Variants in STAC observed in about 807,000 individuals in gnomAD.
The protein encoded by STAC is SH3 and cysteine rich domain.
A neutral mutation model predicts 48.8 loss-of-function variants in STAC; 43 were observed. The ratio of observed to expected loss-of-function variants is 0.88; its 90% CI spans 0.69 to 1.14. The LOEUF (loss-of-function observed/expected upper bound fraction) is 1.14. Ranked by LOEUF, STAC falls within the 50% of genes most tolerant of loss-of-function variation. The pLI, the probability that STAC is intolerant of heterozygous loss-of-function variation, is 0.00. For missense variants in STAC, 497 were observed against 504.0 expected, an observed-to-expected ratio of 0.99 and a Z score of 0.13; for synonymous variants, 193 against 179.5, an observed-to-expected ratio of 1.07 and a Z score of -0.60.
intron 1 of STAC, among the ~76,000 whole-genome samples, chr3:36,398,677 GAAA>G: frequency 7.0e-6 from 1 of 142,732 alleles, no homozygotes; most frequent in East Asian, 2.1e-4. Context: ...AGGAAGGAAA[GAAA>G]GAAAGAAAGA....
intron 1 of STAC, among the ~76,000 whole-genome samples, chr3:36,382,749 T>C (rs966976872): frequency 4.6e-5 from 7 of 152,196 alleles, no homozygotes; most frequent in Non-Finnish European, 1.0e-4. Context: ...TAGGATGGCA[T>C]GACACTGGAG....
At chr3:36,436,023 T>C (rs12374174) in intron 1 of STAC, among the ~76,000 whole-genome samples, 93,973 of 152,052 alleles carry the variant, frequency 0.62, 29,594 homozygotes, top group African/African-American at 0.76. Flanking sequence ...GTGTAGTGAT[T>C]TCATCTAGTC....
At chr3:36,494,822 C>G (rs760918228) in intron 6 of STAC, among the ~76,000 whole-genome samples, 1 of 152,212 alleles carries the variant, frequency 6.6e-6, no homozygotes, top group Non-Finnish European at 1.5e-5. Flanking sequence ...CATAGCAGGT[C>G]AGCAGCACAG....
intron 10 of STAC, among the ~76,000 whole-genome samples, chr3:36,533,882 A>C (rs967462635): frequency 6.6e-5 from 10 of 152,164 alleles, no homozygotes; most frequent in Non-Finnish European, 1.3e-4. Flanking sequence ...GTTCAGGGGT[A>C]CAACATGTGC....
chr3:36,454,862 A>G (rs548604547), intron 2 of STAC, among the ~76,000 whole-genome samples: 2 of 152,324 alleles, frequency 1.3e-5, no homozygotes, highest in African/African-American at 4.8e-5. Context: ...CAAAGGAAAG[A>G]GGCTGTCTCT....
intron 1 of STAC, among the ~76,000 whole-genome samples, chr3:36,396,590 A>C (rs1371320125): frequency 6.6e-6 from 1 of 152,166 alleles, no homozygotes; most frequent in Non-Finnish European, 1.5e-5. Context: ...CATACTAATA[A>C]TGGGGGGCAA....
Position 36,483,019 on chromosome 3 carries a change from G to A in STAC, c.416G>A (p.Cys139Tyr). Residue 139 changes from cysteine (C) to tyrosine (Y), a missense_variant, in exon 3 of 11, where the codon TGC becomes TAC. Cys to Tyr is a radical substitution (Grantham distance 194). Coordinates refer to ENST00000273183, the MANE Select transcript of STAC (RefSeq NM_003149.3). ...VGTNAKHGLR[C>Y]KACKMSIHHK... Reference sequence around the variant, plus strand: ...ACAAATGCTAAGCATGGACTGCGCTGCAAAGCCTGTAAGATGAGCATCCAC... The same window carrying A: ...ACAAATGCTAAGCATGGACTGCGCTACAAAGCCTGTAAGATGAGCATCCAC... The A allele has an allele frequency of 2.5e-6, 4 of 1,614,140 alleles. No homozygotes were observed. Among genetic ancestry groups the A allele is most frequent in the Non-Finnish European group, 2.5e-6 (3 of 1,179,980 alleles).
At chr3:36,517,140 C>T (rs1316255393) in intron 8 of STAC, among the ~76,000 whole-genome samples, 2 of 152,058 alleles carry the variant, frequency 1.3e-5, no homozygotes, top group Non-Finnish European at 2.9e-5. Context: ...CATGGGGTCT[C>T]GAACATTGCT....
chr3:36,495,925 CTGTGGTTCATAGGCTCA>C (rs1575240174), intron 6 of STAC, among the ~76,000 whole-genome samples: 2 of 152,218 alleles, frequency 1.3e-5, no homozygotes, highest in Admixed American at 1.3e-4. Flanking sequence ...GCATATGAAT[CTGTGGTTCATAGGCTCA>C]TTAAAGTTTA....
At chr3:36,455,476 G>T (rs1246773460) in intron 2 of STAC, among the ~76,000 whole-genome samples, 1 of 152,218 alleles carries the variant, frequency 6.6e-6, no homozygotes, top group Non-Finnish European at 1.5e-5. Context: ...TTGAGAGGCT[G>T]CCTGCCTTTT....
intron 1 of STAC, among the ~76,000 whole-genome samples, chr3:36,394,423 C>T (rs913506907): frequency 5.9e-5 from 9 of 152,148 alleles, no homozygotes; most frequent in Non-Finnish European, 1.2e-4. Flanking sequence ...AAGAAAACCA[C>T]TGGGGAAAGC....
intron 1 of STAC, among the ~76,000 whole-genome samples, chr3:36,392,760 C>T (rs1460504948): frequency 6.6e-6 from 1 of 152,150 alleles, no homozygotes; most frequent in Admixed American, 6.5e-5. Flanking sequence ...TATTGTCTCT[C>T]TTCCCTTAAA....
chr3:36,450,415 C>T (rs1466169718), intron 2 of STAC, among the ~76,000 whole-genome samples: 2 of 152,220 alleles, frequency 1.3e-5, no homozygotes, highest in Non-Finnish European at 2.9e-5. Flanking sequence ...CCTCTTCCCT[C>T]ATCTGTCATC....
rs142944670 is a variant in STAC, at chr3:36,515,039, A to AAATAATAATAAT, written c.920+9222_920+9233dup. Among the ~76,000 whole-genome samples, 606 of 147,844 alleles carry AAATAATAATAAT rather than the reference A, an allele frequency of 4.1e-3. 5 individuals are homozygous for AAATAATAATAAT. The highest frequency in any genetic ancestry group is 0.014 in the African/African-American group (563 of 39,964). ...GGTGACAGAGCAAGACTCTGTCTCC[A>AAATAATAATAAT]AATAATAATAATAATAATAATAATA... On this transcript the variant is annotated intron_variant, in intron 8 of 10. Transcript: ENST00000273183.
At chr3:36,416,377 G>A (rs1029667319) in intron 1 of STAC, among the ~76,000 whole-genome samples, 3 of 152,308 alleles carry the variant, frequency 2.0e-5, no homozygotes, top group South Asian at 2.1e-4. Context: ...GGAGGCTGAG[G>A]TGGGAGGATT....
intron 1 of STAC, among the ~76,000 whole-genome samples, chr3:36,397,881 C>T (rs749143595): frequency 1.6e-4 from 24 of 150,760 alleles, no homozygotes; most frequent in Non-Finnish European, 2.9e-4. Context: ...CATAGATTGC[C>T]GATAGGATGA....
chr3:36,402,080 CTGTT>C (rs560617267), intron 1 of STAC, among the ~76,000 whole-genome samples: 17 of 152,262 alleles, frequency 1.1e-4, no homozygotes, highest in African/African-American at 2.4e-4. Context: ...CTCTAAGTCC[CTGTT>C]TGTTTGTTTG....
chr3:36,487,834 C>T (rs927153128), intron 5 of STAC, among the ~76,000 whole-genome samples: 2 of 152,128 alleles, frequency 1.3e-5, no homozygotes, highest in African/African-American at 2.4e-5. Flanking sequence ...TAATGTGTGT[C>T]ATTTTAAGAT....
At chr3:36,431,680 A>T (rs1425495219) in intron 1 of STAC, among the ~76,000 whole-genome samples, 4 of 152,226 alleles carry the variant, frequency 2.6e-5, no homozygotes, top group Non-Finnish European at 5.9e-5. Flanking sequence ...TGAGGAGGAA[A>T]AAAAGGGAGA....
Sources: gnomAD v4.1 joint callset for allele counts (sites outside exome capture counted in the v4.1 genomes callset) on GRCh38, gnomAD v4.1.1 for gene constraint, MANE v1.5 for transcripts, NCBI Gene and HGNC (gene_info 2026-07-23, HGNC 2026-07-21) for gene names.